ROBO2: variants seen among roughly 807,000 people sequenced by gnomAD.
The protein encoded by ROBO2 is roundabout guidance receptor 2, also known as roundabout homolog 2.
Under a neutral mutation model 160.8 loss-of-function variants are expected in ROBO2, and 53 were observed. That is an observed-to-expected ratio of 0.33 (90% CI 0.26 to 0.41). ROBO2 has a LOEUF of 0.41. ROBO2 is among the 10% of genes least tolerant of loss of function. The pLI is 1.00. For missense variants in ROBO2, 1,577 were observed against 1,722.4 expected (o/e 0.92, Z 1.49); for synonymous variants, 664 against 611.7 (o/e 1.09, Z -1.26).
intron 2 of ROBO2, among the ~76,000 whole-genome samples, chr3:77,128,264 C>G (rs1056380063): frequency 3.3e-5 from 5 of 152,110 alleles, no homozygotes; most frequent in African/African-American, 1.2e-4. Context: ...AAGCTTGAAA[C>G]CTATATGAAT....
upstream of ROBO2, chr3:77,039,874 G>C (rs567946343): frequency 2.9e-3 from 445 of 153,580 alleles, 4 homozygotes; most frequent in Middle Eastern, 0.013. Context: ...GAGGCTGCGG[G>C]GGCTGGACCC....
At chr3:76,525,511 C>A (rs1381521819) in intron 2 of ROBO2, among the ~76,000 whole-genome samples, 2 of 151,912 alleles carry the variant, frequency 1.3e-5, no homozygotes, top group Non-Finnish European at 2.9e-5. Flanking sequence ...GTAAGTAATT[C>A]ATCTTCTTTC....
chr3:76,772,087 C>T (rs1342145779), intron 2 of ROBO2, among the ~76,000 whole-genome samples: 1 of 151,280 alleles, frequency 6.6e-6, no homozygotes, highest in Non-Finnish European at 1.5e-5. Flanking sequence ...TGTGCTGATT[C>T]TTTTCAGGGC....
chr3:76,980,696 GA>G (rs1032499504), intron 2 of ROBO2, among the ~76,000 whole-genome samples: 42 of 151,888 alleles, frequency 2.8e-4, no homozygotes, highest in African/African-American at 7.7e-4. Flanking sequence ...CTTTTATTGA[GA>G]TGTGATAATT....
intron 2 of ROBO2, among the ~76,000 whole-genome samples, chr3:76,870,715 C>T (rs1036176266): frequency 2.0e-5 from 3 of 152,108 alleles, no homozygotes; most frequent in African/African-American, 7.2e-5. Flanking sequence ...TTCATATTCT[C>T]CAATCACCCA....
Position 77,228,750 on chromosome 3 carries a change from C to A in ROBO2, c.388+130410C>A, listed in dbSNP as rs897976343. Among the ~76,000 whole-genome samples the A allele has an allele frequency of 1.9e-4, 29 of 151,940 alleles. 1 individual carries two copies. Among genetic ancestry groups the A allele is most frequent in the African/African-American group, 6.3e-4 (26 of 41,466 alleles). ...CTTAAGTATAATAATAAAAAAAAAACTTGCAAGATTAAAAAGAAAATCTTA... is the reference window on the plus strand; with the variant it reads ...CTTAAGTATAATAATAAAAAAAAAAATTGCAAGATTAAAAAGAAAATCTTA... On this transcript the variant is annotated intron_variant, in intron 2 of 25. Transcript: ENST00000461745.
At chr3:77,296,089 G>A (rs1016049130) in intron 2 of ROBO2, among the ~76,000 whole-genome samples, 2 of 151,384 alleles carry the variant, frequency 1.3e-5, no homozygotes, top group African/African-American at 2.4e-5. Flanking sequence ...CAGATATGAA[G>A]TAAAATTGAT....
chr3:75,952,046 A>G (rs1237094155), intron 2 of ROBO2, among the ~76,000 whole-genome samples: 2 of 152,030 alleles, frequency 1.3e-5, no homozygotes, highest in Non-Finnish European at 2.9e-5. Context: ...AGGACAGCAA[A>G]TCCAACAAAG....
intron 15 of ROBO2, among the ~76,000 whole-genome samples, chr3:77,579,364 C>A (rs758710320): frequency 6.6e-6 from 1 of 152,002 alleles, no homozygotes; most frequent in Non-Finnish European, 1.5e-5. Context: ...TTGCTGTCAA[C>A]GTAAATATTG....
intron 2 of ROBO2, among the ~76,000 whole-genome samples, chr3:77,112,173 T>A (rs1193632963): frequency 9.1e-5 from 11 of 120,274 alleles, no homozygotes; most frequent in Non-Finnish European, 1.6e-4. Flanking sequence ...CCAGCCTGGG[T>A]GACAGAGCGA....
intron 2 of ROBO2, among the ~76,000 whole-genome samples, chr3:76,602,905 T>C (rs576892933): frequency 3.3e-4 from 50 of 152,350 alleles, no homozygotes; most frequent in African/African-American, 1.1e-3. Context: ...AGAGCATTTG[T>C]CTGGTATTAA....
chr3:77,434,158 GC>G (rs2153544859), intron 2 of ROBO2, among the ~76,000 whole-genome samples: 1 of 152,042 alleles, frequency 6.6e-6, no homozygotes, highest in South Asian at 2.1e-4. Flanking sequence ...TCTCTTCTTG[GC>G]CTTTTTCTAC....
At chr3:76,616,653 A>T (rs1256352774) in intron 2 of ROBO2, among the ~76,000 whole-genome samples, 5 of 152,206 alleles carry the variant, frequency 3.3e-5, no homozygotes, top group Non-Finnish European at 5.9e-5. Flanking sequence ...GAGTCACACG[A>T]ACTGTGCTTA....
chr3:76,581,755 A>G (rs2085717502), intron 2 of ROBO2, among the ~76,000 whole-genome samples: 1 of 152,200 alleles, frequency 6.6e-6, no homozygotes, highest in Non-Finnish European at 1.5e-5. Context: ...TTCATGCACA[A>G]TACAAAGTCA....
chr3:77,530,308 G>A (rs1390148739), intron 6 of ROBO2, among the ~76,000 whole-genome samples: 1 of 151,970 alleles, frequency 6.6e-6, no homozygotes, highest in East Asian at 1.9e-4. Flanking sequence ...GGAATACTTA[G>A]AGATTCAGAA....
intron 2 of ROBO2, among the ~76,000 whole-genome samples, chr3:76,686,239 A>C (rs2107085583): frequency 6.6e-6 from 1 of 152,042 alleles, no homozygotes; most frequent in African/African-American, 2.4e-5. Flanking sequence ...TGACTTTAAA[A>C]CCCATTACTA....
chr3:77,240,289 T>C (rs1331961653), intron 2 of ROBO2, among the ~76,000 whole-genome samples: 3 of 152,104 alleles, frequency 2.0e-5, no homozygotes, highest in African/African-American at 7.2e-5. Flanking sequence ...GGGCTGGCAG[T>C]GCTGGGGGAC....
chr3:76,748,666 A>C (rs1259153146), intron 2 of ROBO2, among the ~76,000 whole-genome samples: 1 of 151,908 alleles, frequency 6.6e-6, no homozygotes, highest in South Asian at 2.1e-4. Context: ...TCACTTATCT[A>C]ATTGGTGGTG....
chr3:76,620,215 C>T (rs2088953809), intron 2 of ROBO2, among the ~76,000 whole-genome samples: 1 of 152,078 alleles, frequency 6.6e-6, no homozygotes, highest in Admixed American at 6.5e-5. Context: ...TGACTAAATG[C>T]CATTTCTCCA....
Sources: gnomAD v4.1 joint callset for allele counts (sites outside exome capture counted in the v4.1 genomes callset) on GRCh38, gnomAD v4.1.1 for gene constraint, MANE v1.5 for transcripts, NCBI Gene and HGNC (gene_info 2026-07-23, HGNC 2026-07-21) for gene names.